SAMD5: variants seen among roughly 807,000 people sequenced by gnomAD.
SAMD5 encodes sterile alpha motif domain-containing protein 5.
Under a neutral mutation model 11.3 loss-of-function variants are expected in SAMD5, and 13 were observed. The ratio of observed to expected loss-of-function variants is 1.15; its 90% CI spans 0.75 to 1.83. The LOEUF (loss-of-function observed/expected upper bound fraction) is 1.83. Among genes scored for constraint, SAMD5 ranks in the 40% most tolerant of loss-of-function variants. The pLI, the probability that SAMD5 is intolerant of heterozygous loss-of-function variation, is 0.00. For missense variants in SAMD5, 255 were observed against 239.1 expected, an observed-to-expected ratio of 1.07 and a Z score of -0.44; for synonymous variants, 129 against 111.3, an observed-to-expected ratio of 1.16 and a Z score of -1.00.
the SAMD5 span, among the ~76,000 whole-genome samples, chr6:147,950,213 T>C: frequency 3.3e-5 from 5 of 152,352 alleles, no homozygotes; most frequent in East Asian, 9.7e-4. Flanking sequence ...CCATACCAGA[T>C]GGGAGAAATT....
At chr6:147,873,869 A>G in the SAMD5 span, among the ~76,000 whole-genome samples, 2 of 152,150 alleles carry the variant, frequency 1.3e-5, no homozygotes, top group Admixed American at 1.3e-4. Context: ...TACCTTCTGG[A>G]AAGTTAGGAA....
At chr6:147,916,302 G>C in the SAMD5 span, among the ~76,000 whole-genome samples, 1 of 152,182 alleles carries the variant, frequency 6.6e-6, no homozygotes, top group African/African-American at 2.4e-5. Flanking sequence ...GGTATTTCTA[G>C]TTCTAGATCC....
At chr6:147,570,661 TAAATC>T (rs1789123246), downstream of SAMD5, among the ~76,000 whole-genome samples, 1 of 152,320 alleles carries the variant, frequency 6.6e-6, no homozygotes, top group Middle Eastern at 3.4e-3. Context: ...TCAAATCATT[TAAATC>T]AAATCATGTG....
chr6:147,922,257 C>A, the SAMD5 span, among the ~76,000 whole-genome samples: 7 of 152,196 alleles, frequency 4.6e-5, no homozygotes, highest in Admixed American at 2.0e-4. Context: ...GTGAGCAAAC[C>A]GATTTCCACT....
At chr6:147,643,438 G>A (rs574099326) in intron 1 of SAMD5, among the ~76,000 whole-genome samples, 27 of 152,200 alleles carry the variant, frequency 1.8e-4, no homozygotes, top group African/African-American at 6.5e-4. Context: ...CTGTGTAGTA[G>A]TTCTATTCCT....
At chr6:147,526,468 G>T (rs1158233740) in intron 1 of SAMD5, among the ~76,000 whole-genome samples, 1 of 152,168 alleles carries the variant, frequency 6.6e-6, no homozygotes, top group Admixed American at 6.5e-5. Flanking sequence ...TAACATTTCA[G>T]CATCATATGA....
chr6:147,885,822 C>T, the SAMD5 span, among the ~76,000 whole-genome samples: 1 of 152,160 alleles, frequency 6.6e-6, no homozygotes, highest in Non-Finnish European at 1.5e-5. Context: ...TTTGGGGCTG[C>T]CCAGCCAGTC....
chr6:147,897,510 G>C, the SAMD5 span, among the ~76,000 whole-genome samples: 2 of 152,178 alleles, frequency 1.3e-5, no homozygotes, highest in Admixed American at 1.3e-4. Flanking sequence ...TCATGGTGTG[G>C]TGGAAAGAGA....
chr6:147,770,526 C>T, the SAMD5 span, among the ~76,000 whole-genome samples: 1 of 152,132 alleles, frequency 6.6e-6, no homozygotes, highest in South Asian at 2.1e-4. Flanking sequence ...TTCTTTTTGG[C>T]AATGTCGATC....
chr6:147,899,637 T>G, the SAMD5 span, among the ~76,000 whole-genome samples: 1 of 152,220 alleles, frequency 6.6e-6, no homozygotes, highest in African/African-American at 2.4e-5. Context: ...TACTCCAGCC[T>G]GTTCTATTCA....
At chr6:147,690,704 C>T (rs1343710613) in intron 1 of SAMD5, among the ~76,000 whole-genome samples, 1 of 152,108 alleles carries the variant, frequency 6.6e-6, no homozygotes, top group East Asian at 1.9e-4. Flanking sequence ...GGTGGAAATT[C>T]AGAATGAGAA....
chr6:147,776,524 T>C, the SAMD5 span, among the ~76,000 whole-genome samples: 1 of 152,228 alleles, frequency 6.6e-6, no homozygotes, highest in Non-Finnish European at 1.5e-5. Context: ...CATTGAAACA[T>C]GGAAATGTGT....
rs571812836 is a variant in SAMD5 at position 147,569,860 on chromosome 6, T to C, written c.*5404T>C. 1 of 985,214 alleles carries C rather than the reference T, an allele frequency of 1.0e-6. No homozygotes were observed. The highest frequency in any genetic ancestry group is 1.1e-4 in the East Asian group (1 of 8,822). 61.0% of individuals were successfully genotyped at this position (985,214 alleles called of 1,614,324 possible). ...GTAAATGTAATTGCAATTGACACTT[T>C]CTTTTCCCTTTCAGTTATTATTTTT... On this transcript the variant is annotated 3_prime_UTR_variant, in exon 2 of 2. Coordinates refer to ENST00000367474, the MANE Select transcript of SAMD5 (RefSeq NM_001030060.3).
chr6:147,699,523 T>G (rs996054211), intron 1 of SAMD5, among the ~76,000 whole-genome samples: 3 of 152,164 alleles, frequency 2.0e-5, no homozygotes, highest in African/African-American at 7.2e-5. Flanking sequence ...ACTAAACAGC[T>G]GGGGGTGAGA....
the SAMD5 span, among the ~76,000 whole-genome samples, chr6:147,748,419 C>G: frequency 3.3e-5 from 5 of 152,144 alleles, no homozygotes; most frequent in Non-Finnish European, 5.9e-5. Context: ...TAATGCCCAC[C>G]GCATATGGTG....
the SAMD5 span, among the ~76,000 whole-genome samples, chr6:147,906,500 G>C: frequency 6.6e-6 from 1 of 152,196 alleles, no homozygotes; most frequent in African/African-American, 2.4e-5. Flanking sequence ...AGAGGGCCAA[G>C]CCTGAAAAGA....
chr6:147,922,391 C>T, the SAMD5 span, among the ~76,000 whole-genome samples: 1 of 152,112 alleles, frequency 6.6e-6, no homozygotes, highest in Non-Finnish European at 1.5e-5. Flanking sequence ...TATTGTTACA[C>T]CTCGTAATGT....
At chr6:147,657,506 G>A (rs771667030) in intron 1 of SAMD5, among the ~76,000 whole-genome samples, 1 of 151,980 alleles carries the variant, frequency 6.6e-6, no homozygotes, top group Non-Finnish European at 1.5e-5. Context: ...ATGAAAGAGA[G>A]CACAGATAAG....
At chr6:147,906,349 C>A in the SAMD5 span, among the ~76,000 whole-genome samples, 2 of 152,188 alleles carry the variant, frequency 1.3e-5, no homozygotes, top group African/African-American at 4.8e-5. Context: ...TTCTCTGCCA[C>A]TGGGCTTACA....
Sources: allele counts gnomAD v4.1 joint callset (sites outside exome capture counted in the v4.1 genomes callset), GRCh38; gene constraint gnomAD v4.1.1; transcripts MANE v1.5; gene names NCBI Gene and HGNC (gene_info 2026-07-23, HGNC 2026-07-21).